Variants in THSD7B observed in about 807,000 individuals in gnomAD.
THSD7B encodes the protein thrombospondin type-1 domain-containing protein 7B.
Under a neutral mutation model 213.6 loss-of-function variants are expected in THSD7B, and 138 were observed. The observed-to-expected ratio is 0.65, with a 90% CI of 0.56 to 0.74. The LOEUF is 0.74. Among genes scored for constraint, THSD7B ranks in the 30% least tolerant of loss-of-function variants. The pLI is 0.00. For missense variants in THSD7B, 1,931 were observed against 1,991.5 expected (o/e 0.97, Z 0.58); for synonymous variants, 742 against 687.0 (o/e 1.08, Z -1.25).
chr2:136,837,285 T>C (rs1682858141), intron 1 of THSD7B, among the ~76,000 whole-genome samples: 1 of 152,224 alleles, frequency 6.6e-6, no homozygotes, highest in African/African-American at 2.4e-5. Context: ...CTGTGGCTCT[T>C]TATTTATTTT....
chr2:136,909,054 G>A (rs533596035), intron 2 of THSD7B, among the ~76,000 whole-genome samples: 1 of 152,096 alleles, frequency 6.6e-6, no homozygotes. Flanking sequence ...ATGATGGCAT[G>A]TCCCTGTAGT....
chr2:137,176,935 G>A (rs767346308), intron 7 of THSD7B, among the ~76,000 whole-genome samples: 1 of 150,646 alleles, frequency 6.6e-6, no homozygotes, highest in Admixed American at 6.6e-5. Flanking sequence ...GGGAATCTTT[G>A]TCACAGAGTT....
At chr2:136,998,905 AACAGACAC>A (rs773043544) in intron 2 of THSD7B, among the ~76,000 whole-genome samples, 1 of 85,288 alleles carries the variant, frequency 1.2e-5, no homozygotes, top group Non-Finnish European at 2.1e-5. Context: ...TTGAATACCC[AACAGACAC>A]ACACACACAC....
intron 2 of THSD7B, among the ~76,000 whole-genome samples, chr2:136,971,323 G>C (rs1200293417): frequency 1.3e-5 from 2 of 151,976 alleles, no homozygotes; most frequent in Admixed American, 1.3e-4. Flanking sequence ...TATACTTATG[G>C]TTCTGGCATA....
chr2:137,156,150 C>T (rs893004324), intron 5 of THSD7B: 3 of 152,192 alleles, frequency 2.0e-5, no homozygotes, highest in Non-Finnish European at 4.4e-5. Flanking sequence ...TGTGTTTTTA[C>T]TCTTCTCTGG....
chr2:137,560,989 T>A (rs549409785), intron 15 of THSD7B, among the ~76,000 whole-genome samples: 40 of 152,128 alleles, frequency 2.6e-4, no homozygotes, highest in Non-Finnish European at 5.1e-4. Context: ...TCAGCTAGAA[T>A]GAACAGCATG....
In THSD7B at chr2:137,057,136, G is replaced by A. The variant is rs771074476; in HGVS notation, c.856G>A (p.Ala286Thr). The A allele has an allele frequency of 6.2e-6, 10 of 1,613,930 alleles. 1 individual carries two copies. In the South Asian group the frequency reaches 1.1e-4, roughly 18 times the overall value. The change falls in exon 3 of 28, where the codon GCA becomes ACA. Residue 286 changes from alanine to threonine, a missense_variant. By Grantham distance (58) the Ala-to-Thr change is moderately conservative. Coordinates refer to ENST00000409968, the MANE Select transcript of THSD7B (RefSeq NM_001316349.2). ...RVTFKHQSYK[A>T]HHHSKSWAIE... ...CACCTTTAAACATCAAAGTTACAAA[G>A]CACATCATCATTCGAAGTCTTGGGC...
intron 19 of THSD7B, 77 bp from the exon 20 acceptor site, chr2:137,620,532 G>T (rs1269602541): frequency 4.6e-5 from 51 of 1,120,074 alleles, no homozygotes; most frequent in Non-Finnish European, 6.7e-5. Context: ...GTAAAGGAAA[G>T]TCTTTCCCAT....
At chr2:136,897,567 T>C (rs1369028136) in intron 2 of THSD7B, among the ~76,000 whole-genome samples, 1 of 152,164 alleles carries the variant, frequency 6.6e-6, no homozygotes, top group Non-Finnish European at 1.5e-5. Flanking sequence ...GCAAGATTTA[T>C]TGTGAAGAGC....
chr2:137,548,259 T>C (rs1680778936), intron 15 of THSD7B, among the ~76,000 whole-genome samples: 1 of 151,992 alleles, frequency 6.6e-6, no homozygotes, highest in Non-Finnish European at 1.5e-5. Flanking sequence ...TCCTAAGTAT[T>C]AGAATATACT....
At chr2:136,934,962 T>A (rs1283420365) in intron 2 of THSD7B, among the ~76,000 whole-genome samples, 1 of 152,140 alleles carries the variant, frequency 6.6e-6, no homozygotes, top group African/African-American at 2.4e-5. Flanking sequence ...TAGTAATTTA[T>A]AATGCATTAT....
intron 12 of THSD7B, among the ~76,000 whole-genome samples, chr2:137,309,966 TAC>T (rs922456557): frequency 1.9e-4 from 29 of 151,990 alleles, no homozygotes; most frequent in African/African-American, 7.0e-4. Context: ...GCAATAAACA[TAC>T]GTGTGCATGT....
intron 1 of THSD7B, among the ~76,000 whole-genome samples, chr2:136,817,673 A>T (rs1682497863): frequency 6.6e-6 from 1 of 152,118 alleles, no homozygotes; most frequent in Non-Finnish European, 1.5e-5. Context: ...AGATAGTTGT[A>T]GATATGCGGC....
intron 1 of THSD7B, among the ~76,000 whole-genome samples, chr2:136,836,040 C>A (rs1426923402): frequency 1.3e-5 from 2 of 152,058 alleles, no homozygotes; most frequent in African/African-American, 2.4e-5. Flanking sequence ...GAGATCATTG[C>A]GTGTGGGAAG....
intron 2 of THSD7B, among the ~76,000 whole-genome samples, chr2:136,950,688 TA>T (rs1305589915): frequency 2.6e-5 from 4 of 152,286 alleles, no homozygotes; most frequent in South Asian, 2.1e-4. Context: ...TTATCGCCAT[TA>T]AAAAAAGATT....
chr2:137,276,648 A>T (rs1369276879), intron 12 of THSD7B, among the ~76,000 whole-genome samples: 3 of 152,046 alleles, frequency 2.0e-5, no homozygotes, highest in African/African-American at 4.8e-5. Flanking sequence ...CAGACTGCTC[A>T]CTTTTCTATT....
intron 2 of THSD7B, among the ~76,000 whole-genome samples, chr2:136,887,348 C>A (rs1250354365): frequency 6.8e-6 from 1 of 147,474 alleles, no homozygotes; most frequent in Non-Finnish European, 1.5e-5. Context: ...TTTAAAATAG[C>A]CTTCAGTCAT....
intron 3 of THSD7B, among the ~76,000 whole-genome samples, chr2:137,078,467 C>T (rs1191256292): frequency 6.6e-6 from 1 of 152,086 alleles, no homozygotes; most frequent in Non-Finnish European, 1.5e-5. Context: ...CTAACCCACA[C>T]CATTTTTTCT....
intron 2 of THSD7B, among the ~76,000 whole-genome samples, chr2:136,956,500 A>AT (rs1685127140): frequency 6.8e-6 from 1 of 146,320 alleles, no homozygotes; most frequent in Non-Finnish European, 1.5e-5. Context: ...AAATTTTTTT[A>AT]TTTTTTATTT....
Sources: gnomAD v4.1 joint callset for allele counts (sites outside exome capture counted in the v4.1 genomes callset) on GRCh38, gnomAD v4.1.1 for gene constraint, MANE v1.5 for transcripts, NCBI Gene and HGNC (gene_info 2026-07-23, HGNC 2026-07-21) for gene names.